Variants in PCDH9 observed in about 807,000 individuals in gnomAD.
The protein encoded by PCDH9 is protocadherin-9.
In PCDH9, 24 loss-of-function variants were observed where a neutral mutation model predicts 70.6. That is an observed-to-expected ratio of 0.34 (90% confidence interval 0.25 to 0.48). The LOEUF (loss-of-function observed/expected upper bound fraction) is 0.48, where lower values mean the gene tolerates loss of function less well. Ranked by LOEUF, PCDH9 falls within the 20% of genes least tolerant of loss-of-function variation. The pLI is 0.99. For missense variants in PCDH9, 1,281 were observed against 1,503.6 expected (o/e 0.85, Z 2.45); for synonymous variants, 562 against 558.5 (o/e 1.01, Z -0.09).
At chr13:66,707,585 C>T (rs866106530) in intron 3 of PCDH9, among the ~76,000 whole-genome samples, 1 of 152,096 alleles carries the variant, frequency 6.6e-6, no homozygotes, top group African/African-American at 2.4e-5. Flanking sequence ...GGATAATAAA[C>T]ATTAATTAAT....
intron 3 of PCDH9, among the ~76,000 whole-genome samples, chr13:66,652,670 C>G (rs1365378797): frequency 6.6e-6 from 1 of 151,706 alleles, no homozygotes; most frequent in Non-Finnish European, 1.5e-5. Context: ...ATTACCCAAA[C>G]CAATCCTGAG....
At chr13:67,171,009 T>C (rs1478798481) in intron 2 of PCDH9, among the ~76,000 whole-genome samples, 1 of 152,186 alleles carries the variant, frequency 6.6e-6, no homozygotes, top group Non-Finnish European at 1.5e-5. Flanking sequence ...ATGGTCATCC[T>C]ATCCCTGGAG....
In PCDH9 at chr13:66,979,861, TTC is replaced by T. The variant is rs58143973; in HGVS notation, c.3037-76258_3037-76257del. 2.6e-5 allele frequency among the ~76,000 whole-genome samples: 4 copies of T among 152,224 alleles called. No homozygotes were observed. In the East Asian group the frequency reaches 7.7e-4, roughly 29 times the overall value. ...TTTGTCTCTTGCCTATCCCTCTTTT[TTC>T]TCTTTAGCTTTGCCCACTCCACCAT... is the stretch of plus-strand genomic sequence containing the variant. On this transcript the variant is annotated intron_variant, in intron 2 of 4. Coordinates refer to ENST00000377865, the MANE Select transcript of PCDH9 (RefSeq NM_203487.3).
At chr13:67,222,772 A>G (rs2089758509) in intron 2 of PCDH9, 1 of 152,156 alleles carries the variant, frequency 6.6e-6, no homozygotes, top group Non-Finnish European at 1.5e-5. Flanking sequence ...TCAGGAGCAC[A>G]TTTTATATAA....
chr13:67,047,959 G>A (rs2085254039), intron 2 of PCDH9, among the ~76,000 whole-genome samples: 1 of 152,014 alleles, frequency 6.6e-6, no homozygotes, highest in Non-Finnish European at 1.5e-5. Flanking sequence ...TCAATTTAGG[G>A]GGATTAATTA....
At chr13:66,727,350 A>C (rs1228900635) in intron 3 of PCDH9, among the ~76,000 whole-genome samples, 1 of 152,202 alleles carries the variant, frequency 6.6e-6, no homozygotes, top group African/African-American at 2.4e-5. Flanking sequence ...TCTAAATATA[A>C]GAGGAGAGTT....
At chr13:66,354,096 G>A (rs980214975) in intron 4 of PCDH9, among the ~76,000 whole-genome samples, 1 of 151,990 alleles carries the variant, frequency 6.6e-6, no homozygotes, top group African/African-American at 2.4e-5. Context: ...CACTTTATTC[G>A]TAACCACATG....
chr13:66,734,364 T>G lies in PCDH9; in HGVS notation c.3139-102953A>C, dbSNP rs145992161. ...TGGAGCTTTTCTAGATTCAGCTCTA[T>G]GCATTTCTTCCTTTGACTAATTTTA... On this transcript the variant is annotated intron_variant, in intron 3 of 4. Coordinates refer to ENST00000377865, the MANE Select transcript of PCDH9 (RefSeq NM_203487.3). Among the ~76,000 whole-genome samples the G allele has an allele frequency of 7.9e-3, 1,208 of 152,324 alleles. 14 individuals are homozygous for G. Among genetic ancestry groups the G allele is most frequent in the African/African-American group, 0.027 (1,130 of 41,572 alleles).
intron 4 of PCDH9, among the ~76,000 whole-genome samples, chr13:66,512,908 A>C (rs574611440): frequency 6.6e-6 from 1 of 151,962 alleles, no homozygotes; most frequent in East Asian, 1.9e-4. Context: ...GGCTCACTGC[A>C]ACCTCCATCT....
intron 4 of PCDH9, among the ~76,000 whole-genome samples, chr13:66,379,715 G>A (rs1956810410): frequency 6.6e-6 from 1 of 152,106 alleles, no homozygotes; most frequent in Non-Finnish European, 1.5e-5. Flanking sequence ...ACTCGGCATA[G>A]TATCTTAGTA....
At chr13:66,886,168 T>C (rs1486298949) in intron 3 of PCDH9, 1 of 152,182 alleles carries the variant, frequency 6.6e-6, no homozygotes, top group Admixed American at 6.6e-5. Flanking sequence ...GGGAATTCTC[T>C]GTTTGGCTCT....
At chr13:67,154,597 T>TAC (rs1261074313) in intron 2 of PCDH9, among the ~76,000 whole-genome samples, 6 of 71,558 alleles carry the variant, frequency 8.4e-5, no homozygotes, top group Admixed American at 1.7e-4. Context: ...AAAAAAAAAA[T>TAC]ATATATATAC....
chr13:66,862,132 T>A (rs934030700), intron 3 of PCDH9, among the ~76,000 whole-genome samples: 1 of 152,228 alleles, frequency 6.6e-6, no homozygotes, highest in African/African-American at 2.4e-5. Context: ...CTCTGTTACC[T>A]TTACATTAGC....
At chr13:66,755,742 G>T (rs1394718350) in intron 3 of PCDH9, among the ~76,000 whole-genome samples, 1 of 152,072 alleles carries the variant, frequency 6.6e-6, no homozygotes, top group Non-Finnish European at 1.5e-5. Context: ...GACATAAATA[G>T]TATAAGCTCT....
chr13:66,369,124 T>A (rs1331597809), intron 4 of PCDH9, among the ~76,000 whole-genome samples: 3 of 152,166 alleles, frequency 2.0e-5, no homozygotes, highest in Non-Finnish European at 2.9e-5. Context: ...CTTGCTAGTC[T>A]TTAGAAATGG....
chr13:66,366,357 T>C (rs1032326973), intron 4 of PCDH9, among the ~76,000 whole-genome samples: 2 of 152,040 alleles, frequency 1.3e-5, no homozygotes, highest in African/African-American at 4.8e-5. Context: ...AGTAATTTTT[T>C]TGCATGTTCC....
At chr13:66,746,497 T>C (rs1407947029) in intron 3 of PCDH9, among the ~76,000 whole-genome samples, 2 of 151,688 alleles carry the variant, frequency 1.3e-5, no homozygotes, top group African/African-American at 2.4e-5. Flanking sequence ...AGAACTACAA[T>C]AAAGAGAGAA....
chr13:66,862,209 G>T (rs1391471210), intron 3 of PCDH9, among the ~76,000 whole-genome samples: 1 of 152,176 alleles, frequency 6.6e-6, no homozygotes, highest in Non-Finnish European at 1.5e-5. Context: ...TTTGGAGAAA[G>T]GGATGGTGCA....
At chr13:66,751,731 C>T (rs553605013) in intron 3 of PCDH9, among the ~76,000 whole-genome samples, 3 of 152,228 alleles carry the variant, frequency 2.0e-5, no homozygotes, top group Non-Finnish European at 4.4e-5. Flanking sequence ...GTGAGTATAA[C>T]GAAGGAAATA....
Sources: gnomAD v4.1 joint callset for allele counts (sites outside exome capture counted in the v4.1 genomes callset) on GRCh38, gnomAD v4.1.1 for gene constraint, MANE v1.5 for transcripts, NCBI Gene and HGNC (gene_info 2026-07-23, HGNC 2026-07-21) for gene names.